CANX: variants seen among roughly 807,000 people sequenced by gnomAD.
The protein encoded by CANX is epididymis secretory sperm binding protein.
CANX carries 14 observed loss-of-function variants against 75.7 expected under a neutral mutation model. The observed-to-expected ratio is 0.19, with a 90% CI of 0.12 to 0.29. CANX has a LOEUF of 0.29. Ranked by LOEUF, CANX falls within the 10% of genes least tolerant of loss-of-function variation. The pLI, the probability that CANX is intolerant of heterozygous loss-of-function variation, is 1.00. For synonymous variants in CANX, 227 were observed against 236.9 expected (o/e 0.96, Z 0.38); for missense variants, 567 against 713.2 (o/e 0.79, Z 2.34).
At chr5:179,681,742 T>A (rs1458595480) in intron 1 of CANX, among the ~76,000 whole-genome samples, 1 of 151,786 alleles carries the variant, frequency 6.6e-6, no homozygotes, top group Non-Finnish European at 1.5e-5. Context: ...GGATAGATGA[T>A]GAAAATGAAA....
intron 8 of CANX, 107 bp downstream of exon 8, chr5:179,716,401 C>T: frequency 1.3e-6 from 1 of 751,392 alleles, no homozygotes; most frequent in Non-Finnish European, 2.2e-6. Context: ...TTCAGTAATC[C>T]ATGATGCAGT....
chr5:179,698,737 C>A, upstream of CANX: 1 of 689,164 alleles, frequency 1.5e-6, no homozygotes, highest in Non-Finnish European at 2.2e-6. Context: ...CCGCCCCTCA[C>A]CTCCCGCCCA....
chr5:179,709,464 TCC>T (rs1777378941), intron 6 of CANX, among the ~76,000 whole-genome samples: 1 of 152,106 alleles, frequency 6.6e-6, no homozygotes, highest in African/African-American at 2.4e-5. Context: ...AAAGGCTTCC[TCC>T]CCTGCTGTTT....
intron 4 of CANX, among the ~76,000 whole-genome samples, chr5:179,707,664 T>A (rs1318637627): frequency 2.0e-5 from 1 of 49,188 alleles, no homozygotes; most frequent in South Asian, 1.3e-3. Flanking sequence ...TTTTTTTTTT[T>A]TTTATTTAAG....
At chr5:179,691,078 TGCA>T (rs771254830) in intron 1 of CANX, among the ~76,000 whole-genome samples, 38 of 152,134 alleles carry the variant, frequency 2.5e-4, no homozygotes, top group Non-Finnish European at 4.3e-4. Context: ...CAGGCTGGAG[TGCA>T]GCAGCATGAT....
Position 179,680,971 on chromosome 5 carries a change from C to T in CANX, c.-4+2194C>T. On this transcript the variant is annotated intron_variant, in intron 1 of 14. Transcript: ENST00000681674. ...CTCGGAGGATGTTTCCCCGTTAGTC[C>T]TCACTGTATGTTGTGCCTCACCTGG... 1.4e-6 allele frequency: 2 copies of T among 1,467,392 alleles called. 1 individual carries two copies. Among genetic ancestry groups the T allele is most frequent in the South Asian group, 2.4e-5 (2 of 82,630 alleles). The allele number at this position is 1,467,392 out of a possible 1,614,324, so 90.9% of individuals were successfully genotyped here.
intron 7 of CANX, among the ~76,000 whole-genome samples, chr5:179,712,262 C>T (rs1777614334): frequency 6.6e-6 from 1 of 151,244 alleles, no homozygotes. Context: ...TCAGAAGTAT[C>T]TTGTAGTTGA....
Position 179,708,353 on chromosome 5 carries a change from T to A in CANX, c.419T>A (p.Leu140Gln), listed in dbSNP as rs1031288128. 3 of 1,613,576 alleles carry A rather than the reference T, an allele frequency of 1.9e-6. No homozygotes were observed. The Admixed American group carries it at 5.0e-5, about 27-fold the overall frequency. Residue 140 changes from leucine (L) to glutamine (Q), a missense_variant, in exon 5 of 15, where the codon CTG becomes CAG. Transcript: ENST00000247461. ...AISAKLNKPF[L>Q]FDTKPLIVQY... ...TCTGCTAAACTGAACAAGCCCTTCC[T>A]GTTTGACACCAAGCCTCTCATTGTT... is the stretch of plus-strand genomic sequence containing the variant.
chr5:179,727,127 C>T (rs558540400), intron 14 of CANX, among the ~76,000 whole-genome samples: 2 of 152,172 alleles, frequency 1.3e-5, no homozygotes, highest in African/African-American at 2.4e-5. Context: ...TTTTTGTCCC[C>T]GTTGTCCATA....
chr5:179,705,939 A>AG, intron 2 of CANX, 87 bp downstream of exon 2: 1 of 1,104,768 alleles, frequency 9.1e-7, no homozygotes, highest in Non-Finnish European at 1.4e-6. Context: ...ATGTAGTCTC[A>AG]ACTACTCAGG....
At position 179,722,945 on chromosome 5, in the gene CANX, G is replaced by C. The variant is rs1327542299; in HGVS notation, c.1324G>C (p.Ala442Pro). 2 of 1,614,128 alleles carry C rather than the reference G, an allele frequency of 1.2e-6. No homozygotes were observed. The change falls in exon 11 of 15, where the codon GCT (alanine) becomes CCT (proline). Residue 442 changes from alanine (A) to proline (P), a missense_variant. Ala to Pro is a conservative substitution (Grantham distance 27). Transcript: ENST00000247461. ...TTTTTTTGACAACTTTATCATTTGT[G>C]CTGATCGAAGAATAGTTGATGATTG... ...DIFFDNFIIC[A>P]DRRIVDDWAN...
chr5:179,724,836 T>G, intron 13 of CANX, 53 bp downstream of exon 13: 3 of 1,551,680 alleles, frequency 1.9e-6, no homozygotes, highest in Non-Finnish European at 2.6e-6. Flanking sequence ...TACGATGTTG[T>G]TAAACCTTTA....
upstream of CANX, chr5:179,698,461 C>A (rs940709321): frequency 1.2e-5 from 16 of 1,288,900 alleles, no homozygotes; most frequent in African/African-American, 2.3e-4. Flanking sequence ...GTTCTGCTCA[C>A]GCCCGTAGGG....
chr5:179,710,003 A>T lies in CANX; in HGVS notation c.659A>T (p.Lys220Met), dbSNP rs1398407877. ...GGTATCTATGAAGAAAAACATGCTAAGAGGCCAGATGCAGATCTGAAGACC... is the reference window on the plus strand; with the variant it reads ...GGTATCTATGAAGAAAAACATGCTATGAGGCCAGATGCAGATCTGAAGACC... ...KTGIYEEKHAKRPDADLKTYF... is the reference protein window; with the variant it reads ...KTGIYEEKHAMRPDADLKTYF... Residue 220 changes from lysine (K) to methionine (M), a missense_variant, in exon 7 of 15, where the codon AAG becomes ATG. Transcript: ENST00000247461. The T allele has an allele frequency of 1.9e-6, 3 of 1,613,206 alleles. No individual in the cohort carries two copies. The highest frequency in any genetic ancestry group is 2.5e-6 in the Non-Finnish European group (3 of 1,179,362).
intron 1 of CANX, among the ~76,000 whole-genome samples, chr5:179,680,338 A>G (rs1776031062): frequency 1.3e-5 from 2 of 152,146 alleles, no homozygotes; most frequent in Admixed American, 1.3e-4. Context: ...TATCTAGCAT[A>G]GCCAACAGCA....
In CANX at chr5:179,729,242, G is replaced by A. The variant is rs528901989; in HGVS notation, c.*598G>A. 2 of 154,196 alleles carry A rather than the reference G, an allele frequency of 1.3e-5. No homozygotes were observed. The highest frequency in any genetic ancestry group is 1.9e-4 in the East Asian group (1 of 5,236). 9.6% of individuals were successfully genotyped at this position (154,196 alleles called of 1,614,324 possible). ...AAGCCCAAATTCATATAAAAGTTGCGTTTAAGTTGTATTAAAAATAGATAT... is the reference window on the plus strand; with the variant it reads ...AAGCCCAAATTCATATAAAAGTTGCATTTAAGTTGTATTAAAAATAGATAT... On this transcript the variant is annotated 3_prime_UTR_variant, in exon 15 of 15. Transcript: ENST00000247461.
chr5:179,701,127 A>C (rs1412166489), intron 1 of CANX: 1 of 151,926 alleles, frequency 6.6e-6, no homozygotes, highest in Admixed American at 6.6e-5. Flanking sequence ...CGGCCTCCCA[A>C]AATGCTGGGA....
chr5:179,706,303 G>A lies in CANX; in HGVS notation c.217G>A (p.Asp73Asn), dbSNP rs776837383. The change falls in exon 3 of 15, where the codon GAT (aspartate) becomes AAT (asparagine). Residue 73 changes from aspartate (D) to asparagine (N), a missense_variant. Transcript: ENST00000247461. The part of the protein sequence containing the change: ...PVPTGEVYFA[D>N]SFDRGTLSGW... ...TCCAACAGGGGAAGTATATTTTGCTGATTCTTTTGACAGAGGAACTCTGTC... is the reference window on the plus strand; with the variant it reads ...TCCAACAGGGGAAGTATATTTTGCTAATTCTTTTGACAGAGGAACTCTGTC... The A allele has an allele frequency of 6.3e-7, 1 of 1,598,980 alleles. No homozygotes were observed. The highest frequency in any genetic ancestry group is 8.6e-7 in the Non-Finnish European group (1 of 1,167,190).
At chr5:179,717,703 A>G (rs115870572) in intron 8 of CANX, among the ~76,000 whole-genome samples, 150 of 149,906 alleles carry the variant, frequency 1.0e-3, no homozygotes, top group African/African-American at 3.6e-3. Flanking sequence ...TTACATAAAT[A>G]TGTTTTTTCT....
Sources: allele counts gnomAD v4.1 joint callset (sites outside exome capture counted in the v4.1 genomes callset), GRCh38; gene constraint gnomAD v4.1.1; transcripts MANE v1.5; gene names NCBI Gene and HGNC (gene_info 2026-07-23, HGNC 2026-07-21).